PRRX1: variants seen among roughly 807,000 people sequenced by gnomAD.
The protein encoded by PRRX1 is paired related homeobox 1, also known as paired mesoderm homeobox protein 1.
A neutral mutation model predicts 24.0 loss-of-function variants in PRRX1; 8 were observed. That is an observed-to-expected ratio of 0.33 (90% confidence interval 0.20 to 0.60). The LOEUF (loss-of-function observed/expected upper bound fraction) is 0.60, where lower values mean the gene tolerates loss of function less well. PRRX1 is among the 20% of genes least tolerant of loss of function. The pLI, the probability that PRRX1 is intolerant of heterozygous loss-of-function variation, is 0.82. For missense variants in PRRX1, 281 were observed against 322.4 expected, an observed-to-expected ratio of 0.87 and a Z score of 0.98; for synonymous variants, 160 against 131.7, an observed-to-expected ratio of 1.22 and a Z score of -1.47.
chr1:170,716,456 T>G (rs549904645), intron 1 of PRRX1, among the ~76,000 whole-genome samples: 1 of 151,908 alleles, frequency 6.6e-6, no homozygotes, highest in Admixed American at 6.6e-5. Context: ...TGGTGGCAGG[T>G]GCCTGTAGTC....
intron 1 of PRRX1, among the ~76,000 whole-genome samples, chr1:170,675,932 A>G (rs1463941928): frequency 6.6e-6 from 1 of 152,118 alleles, no homozygotes; most frequent in Non-Finnish European, 1.5e-5. Flanking sequence ...AAAACTAAAA[A>G]CCACACTTGC....
intron 1 of PRRX1, among the ~76,000 whole-genome samples, chr1:170,712,105 T>C (rs1380613531): frequency 6.6e-6 from 1 of 152,174 alleles, no homozygotes; most frequent in Non-Finnish European, 1.5e-5. Context: ...TTCCTGTCTT[T>C]TTTTCTGAAG....
intron 1 of PRRX1, among the ~76,000 whole-genome samples, chr1:170,697,440 A>G (rs1654207101): frequency 6.6e-6 from 1 of 152,080 alleles, no homozygotes; most frequent in Non-Finnish European, 1.5e-5. Context: ...TAATACATGT[A>G]AGACAAGCTT....
chr1:170,674,163 T>C (rs1241328617), intron 1 of PRRX1, among the ~76,000 whole-genome samples: 1 of 152,196 alleles, frequency 6.6e-6, no homozygotes, highest in Non-Finnish European at 1.5e-5. Flanking sequence ...CCATCCCTGC[T>C]CTAGCAGCCT....
chr1:170,713,965 A>C lies in PRRX1; in HGVS notation c.242-5761A>C, dbSNP rs564457168. On this transcript the variant is annotated intron_variant, in intron 1 of 3. Coordinates refer to ENST00000239461, the MANE Select transcript of PRRX1 (RefSeq NM_022716.4). Reference sequence around the variant, plus strand: ...CGCTCTTGATACGTGCTGGGAGTCAATGATGGAGGACCGCTGAAGGGCTAT... The same window carrying C: ...CGCTCTTGATACGTGCTGGGAGTCACTGATGGAGGACCGCTGAAGGGCTAT... Among the ~76,000 whole-genome samples the C allele has an allele frequency of 4.6e-5, 7 of 152,300 alleles. No individual in the cohort carries two copies. In the South Asian group the frequency reaches 1.4e-3, roughly 32 times the overall value.
At chr1:170,679,469 G>T (rs1458761375) in intron 1 of PRRX1, among the ~76,000 whole-genome samples, 1 of 151,900 alleles carries the variant, frequency 6.6e-6, no homozygotes, top group South Asian at 2.1e-4. Flanking sequence ...GCACAATTTC[G>T]GCTCACTGCA....
rs1655708211 is a variant in PRRX1 at position 170,738,893 on chromosome 1, G to A, written c.*2707G>A. Reference sequence around the variant, plus strand: ...CTGGGAATATCATAGAGTAACAAGTGCTGGTCAGCCAAAGAAACATTCACT... The same window carrying A: ...CTGGGAATATCATAGAGTAACAAGTACTGGTCAGCCAAAGAAACATTCACT... On this transcript the variant is annotated 3_prime_UTR_variant, in exon 4 of 4. Transcript: ENST00000239461. 4.4e-6 allele frequency: 1 copy of A among 229,322 alleles called. No homozygotes were observed. The highest frequency in any genetic ancestry group is 8.6e-6 in the Non-Finnish European group (1 of 115,718). 14.2% of individuals were successfully genotyped at this position (229,322 alleles called of 1,614,324 possible).
intron 1 of PRRX1, among the ~76,000 whole-genome samples, chr1:170,693,745 T>TC (rs1654069215): frequency 6.6e-6 from 1 of 152,068 alleles, no homozygotes; most frequent in African/African-American, 2.4e-5. Context: ...GATGAGAAGC[T>TC]CAGACCTTGA....
At chr1:170,715,737 G>A (rs1413477509) in intron 1 of PRRX1, among the ~76,000 whole-genome samples, 1 of 152,180 alleles carries the variant, frequency 6.6e-6, no homozygotes, top group Non-Finnish European at 1.5e-5. Context: ...GGATCAAAAT[G>A]GCTTTCTAGA....
chr1:170,681,613 G>C (rs2101891856), intron 1 of PRRX1, among the ~76,000 whole-genome samples: 1 of 152,252 alleles, frequency 6.6e-6, no homozygotes, highest in East Asian at 1.9e-4. Context: ...GATAGTACTA[G>C]AGAAGAAACA....
chr1:170,731,505 TG>T (rs1270704535), intron 3 of PRRX1, among the ~76,000 whole-genome samples: 2 of 152,192 alleles, frequency 1.3e-5, no homozygotes, highest in African/African-American at 2.4e-5. Flanking sequence ...TTGTGATTTG[TG>T]GGACTTAACA....
At chr1:170,665,386 C>T (rs78288069) in intron 1 of PRRX1, among the ~76,000 whole-genome samples, 15 of 152,182 alleles carry the variant, frequency 9.9e-5, no homozygotes, top group Non-Finnish European at 2.1e-4. Context: ...TATCCCCATG[C>T]CCCCAAGTCT....
rs538903090 is a variant in PRRX1 at position 170,674,741 on chromosome 1, A to G, written c.241+10282A>G. 2.7e-5 allele frequency among the ~76,000 whole-genome samples: 4 copies of G among 150,234 alleles called. No individual in the cohort carries two copies. The South Asian group carries it at 8.4e-4, about 32-fold the overall frequency. ...CCCTCCTCCCCATCTCTGTTTTTGT[A>G]ATCTTTAGCTGCAAGTAATTTTGTA... On this transcript the variant is annotated intron_variant, in intron 1 of 3. Transcript: ENST00000239461.
At chr1:170,691,310 C>G (rs79371244) in intron 1 of PRRX1, among the ~76,000 whole-genome samples, 2 of 152,014 alleles carry the variant, frequency 1.3e-5, no homozygotes, top group Non-Finnish European at 2.9e-5. Context: ...CTTTTAGAAA[C>G]TGTTGATGGA....
At chr1:170,711,280 C>T (rs954475275) in intron 1 of PRRX1, among the ~76,000 whole-genome samples, 2 of 152,160 alleles carry the variant, frequency 1.3e-5, no homozygotes, top group East Asian at 1.9e-4. Flanking sequence ...TTGGTTCTAT[C>T]TCTTACTGTG....
intron 2 of PRRX1, chr1:170,722,684 T>C (rs971032295): frequency 7.9e-5 from 12 of 152,228 alleles, no homozygotes; most frequent in African/African-American, 2.9e-4. Context: ...TAGATATTGT[T>C]ATCTCCAACT....
Position 170,679,215 on chromosome 1 carries a change from G to A in PRRX1, c.241+14756G>A, listed in dbSNP as rs555290741. On this transcript the variant is annotated intron_variant, in intron 1 of 3. Transcript: ENST00000239461. ...TTATCATGGTGCTTTTTATATTATAGGAGGCTTAACAAACGGTTGCTGAAT... is the reference window on the plus strand; with the variant it reads ...TTATCATGGTGCTTTTTATATTATAAGAGGCTTAACAAACGGTTGCTGAAT... 1.2e-4 allele frequency among the ~76,000 whole-genome samples: 18 copies of A among 152,200 alleles called. No homozygotes were observed. In the South Asian group the frequency reaches 3.7e-3, roughly 32 times the overall value.
At chr1:170,716,019 T>C (rs756751631) in intron 1 of PRRX1, among the ~76,000 whole-genome samples, 6 of 152,228 alleles carry the variant, frequency 3.9e-5, no homozygotes, top group African/African-American at 1.2e-4. Context: ...CAAGTCCGCA[T>C]TGTGATTTTG....
At chr1:170,667,183 C>T (rs1652967064) in intron 1 of PRRX1, among the ~76,000 whole-genome samples, 1 of 152,048 alleles carries the variant, frequency 6.6e-6, no homozygotes, top group African/African-American at 2.4e-5. Context: ...AGAGGATGCT[C>T]TGCGGAAGCA....
Sources: allele counts gnomAD v4.1 joint callset (sites outside exome capture counted in the v4.1 genomes callset), GRCh38; gene constraint gnomAD v4.1.1; transcripts MANE v1.5; gene names NCBI Gene and HGNC (gene_info 2026-07-23, HGNC 2026-07-21).